The following ANO3 variants were observed in gnomAD, a reference collection of about 807,000 sequenced individuals.
ANO3 encodes anoctamin-3.
In ANO3, 99 loss-of-function variants were observed where a neutral mutation model predicts 144.8. The ratio of observed to expected loss-of-function variants is 0.68; its 90% CI spans 0.58 to 0.81. The LOEUF is 0.81. ANO3 is among the 30% of genes least tolerant of loss of function. ANO3 has a pLI of 0.00. For missense variants in ANO3, 905 were observed against 1,202.2 expected, an observed-to-expected ratio of 0.75 and a Z score of 3.66; for synonymous variants, 414 against 392.6, an observed-to-expected ratio of 1.05 and a Z score of -0.64.
intron 1 of ANO3, among the ~76,000 whole-genome samples, chr11:26,219,147 A>G: frequency 6.6e-6 from 1 of 152,188 alleles, no homozygotes; most frequent in East Asian, 1.9e-4. Context: ...TGTGACCAAA[A>G]AAAGAAAAAT....
chr11:26,594,155 GTCT>G (rs1240498683), intron 14 of ANO3, among the ~76,000 whole-genome samples: 1 of 152,080 alleles, frequency 6.6e-6, no homozygotes, highest in Non-Finnish European at 1.5e-5. Context: ...ATAATTCAAA[GTCT>G]TCTTCCTAGT....
intron 1 of ANO3, among the ~76,000 whole-genome samples, chr11:26,199,505 G>A (rs578142254): frequency 6.6e-6 from 1 of 152,154 alleles, no homozygotes; most frequent in Admixed American, 6.5e-5. Flanking sequence ...TGCAGGGATG[G>A]GACACAGGAA....
chr11:26,461,013 T>C (rs1859374237), intron 3 of ANO3, among the ~76,000 whole-genome samples: 1 of 152,034 alleles, frequency 6.6e-6, no homozygotes, highest in African/African-American at 2.4e-5. Flanking sequence ...CATTTGCCGA[T>C]TGCTGTTTAA....
At chr11:26,576,349 C>T (rs1304351082) in intron 14 of ANO3, among the ~76,000 whole-genome samples, 5 of 152,214 alleles carry the variant, frequency 3.3e-5, no homozygotes, top group African/African-American at 1.2e-4. Context: ...AGTAGTCAAA[C>T]TCAATTAGAC....
intron 17 of ANO3, among the ~76,000 whole-genome samples, chr11:26,617,689 A>T (rs1435678095): frequency 6.6e-6 from 1 of 152,200 alleles, no homozygotes; most frequent in Non-Finnish European, 1.5e-5. Flanking sequence ...TTGCTTTTGC[A>T]ACTAACTCAG....
intron 18 of ANO3, among the ~76,000 whole-genome samples, chr11:26,626,353 G>A (rs1852584722): frequency 6.6e-6 from 1 of 152,214 alleles, no homozygotes; most frequent in Non-Finnish European, 1.5e-5. Flanking sequence ...GATAAGGAGA[G>A]CCTCAGACAA....
At chr11:26,245,608 G>T (rs931020322) in intron 1 of ANO3, among the ~76,000 whole-genome samples, 2 of 152,138 alleles carry the variant, frequency 1.3e-5, no homozygotes, top group Non-Finnish European at 2.9e-5. Context: ...GCATATGGTT[G>T]TATAGGAACC....
At chr11:26,213,560 C>T (rs1055473349) in intron 1 of ANO3, among the ~76,000 whole-genome samples, 1 of 152,094 alleles carries the variant, frequency 6.6e-6, no homozygotes, top group Non-Finnish European at 1.5e-5. Flanking sequence ...CTTAGAAATA[C>T]AACTTACAAG....
At chr11:26,533,094 T>G (rs1194751574) in intron 8 of ANO3, among the ~76,000 whole-genome samples, 3 of 152,120 alleles carry the variant, frequency 2.0e-5, no homozygotes, top group African/African-American at 7.2e-5. Flanking sequence ...CTGGAGGAAT[T>G]CAGAGTCTAA....
At chr11:26,528,693 C>A (rs1475122749) in intron 7 of ANO3, among the ~76,000 whole-genome samples, 2 of 152,012 alleles carry the variant, frequency 1.3e-5, no homozygotes, top group African/African-American at 4.8e-5. Context: ...AAATGTTTAG[C>A]CCAATTTCAG....
chr11:26,306,746 C>A (rs1854393057), upstream of ANO3, among the ~76,000 whole-genome samples: 1 of 152,234 alleles, frequency 6.6e-6, no homozygotes, highest in Non-Finnish European at 1.5e-5. Context: ...ACATCTCATA[C>A]CAGCATGACC....
intron 17 of ANO3, among the ~76,000 whole-genome samples, chr11:26,607,861 C>T (rs4923369): frequency 6.6e-6 from 1 of 152,192 alleles, no homozygotes; most frequent in Non-Finnish European, 1.5e-5. Context: ...TTCTTAGCTT[C>T]TTTGCATTGG....
chr11:26,501,046 T>C (rs1490717046), intron 4 of ANO3, among the ~76,000 whole-genome samples: 3 of 152,084 alleles, frequency 2.0e-5, no homozygotes, highest in Non-Finnish European at 2.9e-5. Flanking sequence ...AAGTAAAAAA[T>C]AAATTCCACC....
intron 24 of ANO3, among the ~76,000 whole-genome samples, chr11:26,651,246 G>A (rs1853522325): frequency 6.6e-6 from 1 of 152,012 alleles, no homozygotes; most frequent in Non-Finnish European, 1.5e-5. Flanking sequence ...TTAGACTTAG[G>A]GATTTTAATG....
chr11:26,597,442 C>T (rs898200584), intron 14 of ANO3, among the ~76,000 whole-genome samples: 3 of 152,150 alleles, frequency 2.0e-5, no homozygotes, highest in African/African-American at 2.4e-5. Context: ...TAGCTGGATC[C>T]AGAGCGGCAA....
At chr11:26,507,111 GTT>G (rs1338600797) in intron 4 of ANO3, among the ~76,000 whole-genome samples, 1 of 152,160 alleles carries the variant, frequency 6.6e-6, no homozygotes, top group Non-Finnish European at 1.5e-5. Flanking sequence ...AAGAAATTGG[GTT>G]CAAGTCCTGG....
At chr11:26,214,052 G>A (rs1407599656) in intron 1 of ANO3, among the ~76,000 whole-genome samples, 3 of 151,906 alleles carry the variant, frequency 2.0e-5, no homozygotes, top group Admixed American at 1.3e-4. Flanking sequence ...AGAGACTTTT[G>A]AAAGATAATT....
In ANO3 at chr11:26,660,428, A is replaced by C; in HGVS notation, c.2930A>C (p.His977Pro). ...QQRRKSGQPV[H>P]HEWP The stretch of plus-strand genomic sequence containing the variant: ...CGGAGAAAAAGTGGTCAGCCTGTTC[A>C]CCATGAATGGCCTTAGTTGACACCT... The change falls in exon 27 of 27, where the codon CAC (histidine) becomes CCC (proline). Residue 977 changes from histidine (H) to proline (P), a missense_variant. Transcript: ENST00000256737. 1 of 1,612,588 alleles carries C rather than the reference A, an allele frequency of 6.2e-7. No individual in the cohort carries two copies.
At chr11:26,452,754 G>C (rs1858995482) in intron 3 of ANO3, among the ~76,000 whole-genome samples, 1 of 150,670 alleles carries the variant, frequency 6.6e-6, no homozygotes, top group African/African-American at 2.5e-5. Context: ...TCCTCGAGAA[G>C]AGCAACCCCA....
Sources: gnomAD v4.1 joint callset for allele counts (sites outside exome capture counted in the v4.1 genomes callset) on GRCh38, gnomAD v4.1.1 for gene constraint, MANE v1.5 for transcripts, NCBI Gene and HGNC (gene_info 2026-07-23, HGNC 2026-07-21) for gene names.